Variants in MACROD2 observed in about 807,000 individuals in gnomAD.
MACROD2 encodes the protein ADP-ribose glycohydrolase MACROD2.
MACROD2 carries 36 observed loss-of-function variants against 70.4 expected under a neutral mutation model. The observed-to-expected ratio is 0.51, with a 90% CI of 0.39 to 0.68. The LOEUF is 0.68. Ranked by LOEUF, MACROD2 falls within the 30% of genes least tolerant of loss-of-function variation. MACROD2 has a pLI of 0.00. For missense variants in MACROD2, 496 were observed against 538.4 expected, an observed-to-expected ratio of 0.92 and a Z score of 0.78; for synonymous variants, 172 against 178.8, an observed-to-expected ratio of 0.96 and a Z score of 0.30.
intron 8 of MACROD2, among the ~76,000 whole-genome samples, chr20:15,581,962 A>C (rs955055400): frequency 3.3e-5 from 5 of 152,230 alleles, no homozygotes; most frequent in Admixed American, 6.5e-5. Flanking sequence ...TCTCTACTAA[A>C]AACACAAAAA....
At chr20:14,218,098 A>T (rs565286024) in intron 3 of MACROD2, among the ~76,000 whole-genome samples, 1 of 152,256 alleles carries the variant, frequency 6.6e-6, no homozygotes, top group Middle Eastern at 3.4e-3. Context: ...TGACCTGTCT[A>T]GTGCTGTCAG....
At chr20:15,044,806 C>T (rs1039033780) in intron 5 of MACROD2, among the ~76,000 whole-genome samples, 2 of 152,286 alleles carry the variant, frequency 1.3e-5, no homozygotes, top group Middle Eastern at 3.4e-3. Flanking sequence ...CTATTAAACA[C>T]TCAAATTACT....
intron 5 of MACROD2, among the ~76,000 whole-genome samples, chr20:14,976,475 T>C (rs916142101): frequency 3.3e-5 from 5 of 152,168 alleles, no homozygotes; most frequent in Non-Finnish European, 7.4e-5. Context: ...ACAAGGACCA[T>C]GTGATAACAC....
intron 7 of MACROD2, among the ~76,000 whole-genome samples, chr20:15,498,460 A>T (rs1443178108): frequency 6.6e-6 from 1 of 152,160 alleles, no homozygotes; most frequent in Non-Finnish European, 1.5e-5. Flanking sequence ...ATCCTCATAG[A>T]CAAGCCGTAT....
At chr20:15,399,154 G>T (rs1454053910) in intron 6 of MACROD2, among the ~76,000 whole-genome samples, 2 of 152,206 alleles carry the variant, frequency 1.3e-5, no homozygotes, top group Non-Finnish European at 2.9e-5. Context: ...ACAGGGTTCA[G>T]TTAGGCTGAA....
intron 15 of MACROD2, among the ~76,000 whole-genome samples, chr20:16,004,060 T>C (rs1463874448): frequency 6.6e-6 from 1 of 152,134 alleles, no homozygotes; most frequent in African/African-American, 2.4e-5. Flanking sequence ...GCCCTCATTA[T>C]CCAAACCAGC....
chr20:15,113,765 T>TAA (rs1199677153), intron 5 of MACROD2, among the ~76,000 whole-genome samples: 1 of 61,952 alleles, frequency 1.6e-5, no homozygotes, highest in African/African-American at 4.1e-5. Flanking sequence ...AGTCTTGAAG[T>TAA]GTGTGTGTGT....
chr20:14,211,857 G>A (rs1324544817), intron 3 of MACROD2, among the ~76,000 whole-genome samples: 1 of 152,114 alleles, frequency 6.6e-6, no homozygotes, highest in Non-Finnish European at 1.5e-5. Context: ...GGTGGTAATA[G>A]TCACTACAGT....
At chr20:14,404,806 A>G (rs1212916918) in intron 3 of MACROD2, among the ~76,000 whole-genome samples, 1 of 152,158 alleles carries the variant, frequency 6.6e-6, no homozygotes, top group Non-Finnish European at 1.5e-5. Context: ...AGCAGAGCAG[A>G]GAAGCACAAA....
intron 9 of MACROD2, among the ~76,000 whole-genome samples, chr20:15,879,497 G>A (rs1230540818): frequency 6.6e-6 from 1 of 152,134 alleles, no homozygotes; most frequent in African/African-American, 2.4e-5. Context: ...AGGACTCTGT[G>A]CTTGATTTTA....
chr20:14,446,463 T>A (rs2084183859), intron 3 of MACROD2, among the ~76,000 whole-genome samples: 1 of 152,090 alleles, frequency 6.6e-6, no homozygotes, highest in East Asian at 1.9e-4. Context: ...TTTGAAGAGT[T>A]AGACCTCTTT....
At chr20:14,048,763 A>G (rs1023961767) in intron 2 of MACROD2, among the ~76,000 whole-genome samples, 1 of 152,224 alleles carries the variant, frequency 6.6e-6, no homozygotes, top group Non-Finnish European at 1.5e-5. Flanking sequence ...GTGAACAAAA[A>G]CAAACCAAAA....
chr20:14,299,261 C>T (rs924479008), intron 3 of MACROD2, among the ~76,000 whole-genome samples: 2 of 151,960 alleles, frequency 1.3e-5, no homozygotes, highest in African/African-American at 4.8e-5. Flanking sequence ...TATGAGTTGC[C>T]GAAGTCTCAG....
chr20:15,031,327 A>T (rs779245235), intron 5 of MACROD2, among the ~76,000 whole-genome samples: 1 of 152,164 alleles, frequency 6.6e-6, no homozygotes, highest in Non-Finnish European at 1.5e-5. Flanking sequence ...GTCGCTGGCA[A>T]TGTGGCAAGC....
intron 4 of MACROD2, among the ~76,000 whole-genome samples, chr20:14,564,537 AG>A (rs1229187429): frequency 1.3e-5 from 2 of 152,074 alleles, no homozygotes; most frequent in Non-Finnish European, 2.9e-5. Context: ...AAGTGGGCAA[AG>A]GACATGAACA....
chr20:14,998,139 C>T (rs757553726), intron 5 of MACROD2, among the ~76,000 whole-genome samples: 7 of 152,130 alleles, frequency 4.6e-5, no homozygotes, highest in African/African-American at 7.2e-5. Context: ...TCAGAAAGGT[C>T]GGGTACAAAT....
intron 8 of MACROD2, among the ~76,000 whole-genome samples, chr20:15,560,866 T>C (rs1286235776): frequency 6.6e-6 from 1 of 151,398 alleles, no homozygotes; most frequent in African/African-American, 2.4e-5. Flanking sequence ...TTAGGTGGTC[T>C]GGTTTATGTC....
intron 3 of MACROD2, among the ~76,000 whole-genome samples, chr20:14,430,220 T>C (rs569882942): frequency 2.6e-5 from 4 of 152,226 alleles, no homozygotes; most frequent in African/African-American, 7.2e-5. Flanking sequence ...GTCTAAGGAT[T>C]TGGGGCTTTT....
chr20:15,588,572 G>A (rs142923901), intron 8 of MACROD2, among the ~76,000 whole-genome samples: 42 of 152,112 alleles, frequency 2.8e-4, no homozygotes, highest in African/African-American at 8.0e-4. Flanking sequence ...GCTTTTAACC[G>A]TACCCAAGTC....
Sources: gnomAD v4.1 joint callset for allele counts (sites outside exome capture counted in the v4.1 genomes callset) on GRCh38, gnomAD v4.1.1 for gene constraint, MANE v1.5 for transcripts, NCBI Gene and HGNC (gene_info 2026-07-23, HGNC 2026-07-21) for gene names.